PRCP: variants seen among roughly 807,000 people sequenced by gnomAD.
PRCP encodes prolylcarboxypeptidase.
Under a neutral mutation model 54.2 loss-of-function variants are expected in PRCP, and 46 were observed. The ratio of observed to expected loss-of-function variants is 0.85; its 90% confidence interval spans 0.67 to 1.09. The LOEUF is 1.09. PRCP is among the 50% of genes least tolerant of loss of function. The pLI, the probability that PRCP is intolerant of heterozygous loss-of-function variation, is 0.00. For synonymous variants in PRCP, 240 were observed against 212.2 expected, an observed-to-expected ratio of 1.13 and a Z score of -1.14; for missense variants, 613 against 596.8, an observed-to-expected ratio of 1.03 and a Z score of -0.28.
chr11:82,833,345 T>G (rs1405431829), intron 8 of PRCP, among the ~76,000 whole-genome samples: 5 of 152,144 alleles, frequency 3.3e-5, no homozygotes, highest in Admixed American at 2.6e-4. Context: ...TTGGAGAAGG[T>G]ATGAATCTTA....
In PRCP at chr11:82,849,226, T is replaced by A; in HGVS notation, c.752-8A>T. 1 of 1,613,762 alleles carries A rather than the reference T, an allele frequency of 6.2e-7. No individual in the cohort carries two copies. The highest frequency in any genetic ancestry group is 8.5e-7 in the Non-Finnish European group (1 of 1,179,760). On this transcript the variant is annotated splice_polypyrimidine_tract_variant and splice_region_variant and intron_variant, in intron 5 of 8. Transcript: ENST00000313010. ...GCCACTGCAAACCACTGCCTGGGAA[T>A]AGAATCACACTGTTGGAATCTAAAA...
At chr11:82,844,770 A>G (rs1362161305) in intron 6 of PRCP, among the ~76,000 whole-genome samples, 1 of 151,346 alleles carries the variant, frequency 6.6e-6, no homozygotes, top group East Asian at 1.9e-4. Flanking sequence ...AAAGAAAGAA[A>G]AGAAAAGAAA....
intron 7 of PRCP, among the ~76,000 whole-genome samples, chr11:82,838,874 T>G (rs1214083387): frequency 6.6e-6 from 1 of 152,204 alleles, no homozygotes; most frequent in Non-Finnish European, 1.5e-5. Flanking sequence ...TTATTATTAG[T>G]CTCATTGTGC....
chr11:82,900,747 G>A (rs1471817904), upstream of PRCP: 3 of 497,482 alleles, frequency 6.0e-6, no homozygotes, highest in African/African-American at 5.8e-5. Context: ...CGCCCCCGAA[G>A]CCCACCTGTC....
chr11:82,886,528 C>T (rs1333084788), intron 1 of PRCP, among the ~76,000 whole-genome samples: 1 of 152,168 alleles, frequency 6.6e-6, no homozygotes, highest in African/African-American at 2.4e-5. Flanking sequence ...AAGTGATCCT[C>T]CTACCTCAGC....
chr11:82,899,787 T>C (rs1331577823), intron 1 of PRCP, among the ~76,000 whole-genome samples: 1 of 152,256 alleles, frequency 6.6e-6, no homozygotes, highest in Non-Finnish European at 1.5e-5. Flanking sequence ...GGCTGGCTTT[T>C]AGGATGGATA....
chr11:82,872,822 G>A (rs951641982), intron 1 of PRCP, among the ~76,000 whole-genome samples: 1 of 152,178 alleles, frequency 6.6e-6, no homozygotes, highest in Admixed American at 6.5e-5. Flanking sequence ...CTCTATGGAG[G>A]TGGCAATGGA....
At chr11:82,846,442 G>A (rs2121128114) in intron 6 of PRCP, among the ~76,000 whole-genome samples, 1 of 151,922 alleles carries the variant, frequency 6.6e-6, no homozygotes, top group South Asian at 2.1e-4. Flanking sequence ...TCAAGCAGGG[G>A]GCAAGAGATA....
intron 1 of PRCP, among the ~76,000 whole-genome samples, chr11:82,864,639 A>T (rs1859288449): frequency 6.6e-6 from 1 of 152,246 alleles, no homozygotes; most frequent in African/African-American, 2.4e-5. Flanking sequence ...GGTAAAGACA[A>T]CACCGTATGA....
rs1859808605 is a variant in PRCP at position 82,883,924 on chromosome 11, C to T, written c.168+16311G>A. 2.0e-5 allele frequency among the ~76,000 whole-genome samples: 3 copies of T among 152,098 alleles called. No homozygotes were observed. The South Asian group carries it at 6.2e-4, about 32-fold the overall frequency. ...TCACTGTCATCTAGAGCCAATTGTTCAAGAGGAAGGAAACACTCAACGCCA... is the reference window on the plus strand; with the variant it reads ...TCACTGTCATCTAGAGCCAATTGTTTAAGAGGAAGGAAACACTCAACGCCA... On this transcript the variant is annotated intron_variant, in intron 1 of 8. Transcript: ENST00000313010.
At chr11:82,853,460 A>G (rs1042123049) in intron 2 of PRCP, among the ~76,000 whole-genome samples, 182 bp from the exon 3 acceptor site, 14 of 152,230 alleles carry the variant, frequency 9.2e-5, no homozygotes, top group African/African-American at 3.1e-4. Context: ...TTGCATATCA[A>G]TCTCACACTT....
chr11:82,834,255 A>G (rs1329672394), intron 8 of PRCP, among the ~76,000 whole-genome samples: 2 of 152,226 alleles, frequency 1.3e-5, no homozygotes, highest in Non-Finnish European at 2.9e-5. Context: ...GTGTTTTGCT[A>G]TAGCAGTGCT....
intron 1 of PRCP, chr11:82,884,784 T>G: frequency 6.2e-7 from 1 of 1,609,326 alleles, no homozygotes; most frequent in Non-Finnish European, 8.5e-7. Flanking sequence ...GGCTTTCAGC[T>G]TGTTTTCTCA....
chr11:82,865,562 A>G (rs1171093753), intron 1 of PRCP, among the ~76,000 whole-genome samples: 2 of 152,226 alleles, frequency 1.3e-5, no homozygotes, highest in African/African-American at 4.8e-5. Context: ...GCACCCAGAC[A>G]TCTAATAACA....
chr11:82,838,657 G>A, intron 7 of PRCP, 83 bp from the exon 8 acceptor site: 1 of 1,391,676 alleles, frequency 7.2e-7, no homozygotes, highest in Admixed American at 2.0e-5. Context: ...CATAATGCTG[G>A]TAAGTAGTGA....
chr11:82,846,170 G>A (rs1033800152), intron 6 of PRCP: 8 of 152,164 alleles, frequency 5.3e-5, no homozygotes, highest in African/African-American at 1.7e-4. Flanking sequence ...CTTTAAAAAG[G>A]AGGAAGTGTA....
chr11:82,877,043 G>C (rs888030169), intron 1 of PRCP, among the ~76,000 whole-genome samples: 20 of 152,186 alleles, frequency 1.3e-4, no homozygotes, highest in Non-Finnish European at 4.4e-5. Context: ...ACGGAGATGA[G>C]GAACTTGTTG....
intron 8 of PRCP, among the ~76,000 whole-genome samples, chr11:82,834,972 G>A (rs1858484062): frequency 6.6e-6 from 1 of 152,214 alleles, no homozygotes; most frequent in South Asian, 2.1e-4. Context: ...GCTGAGGCAA[G>A]AGAATGGCTT....
chr11:82,889,097 T>C (rs564692106), intron 1 of PRCP, among the ~76,000 whole-genome samples: 23 of 121,384 alleles, frequency 1.9e-4, no homozygotes, highest in South Asian at 1.5e-3. Flanking sequence ...GGCTCCCACC[T>C]GTAATCCCAA....
Sources: gnomAD v4.1 joint callset for allele counts (sites outside exome capture counted in the v4.1 genomes callset) on GRCh38, gnomAD v4.1.1 for gene constraint, MANE v1.5 for transcripts, NCBI Gene and HGNC (gene_info 2026-07-23, HGNC 2026-07-21) for gene names.